COG5: variants seen among roughly 807,000 people sequenced by gnomAD.
The protein encoded by COG5 is conserved oligomeric Golgi complex subunit 5.
Under a neutral mutation model 110.4 loss-of-function variants are expected in COG5, and 86 were observed. The observed-to-expected ratio is 0.78, with a 90% CI of 0.65 to 0.93. The LOEUF is 0.93. Ranked by LOEUF, COG5 falls within the 40% of genes least tolerant of loss-of-function variation. COG5 has a pLI of 0.00. For synonymous variants in COG5, 360 were observed against 334.6 expected (o/e 1.08, Z -0.83); for missense variants, 1,077 against 987.0 (o/e 1.09, Z -1.22).
At chr7:107,334,864 A>C (rs1184532422) in intron 10 of COG5, among the ~76,000 whole-genome samples, 1 of 152,200 alleles carries the variant, frequency 6.6e-6, no homozygotes, top group East Asian at 1.9e-4. Context: ...ACGCAAACAA[A>C]ACCAGAATAC....
chr7:107,376,675 G>A (rs906746195), intron 7 of COG5, among the ~76,000 whole-genome samples: 8 of 151,818 alleles, frequency 5.3e-5, no homozygotes, highest in African/African-American at 1.9e-4. Flanking sequence ...ACTTTGGCTA[G>A]GATCTTCAGT....
intron 7 of COG5, among the ~76,000 whole-genome samples, chr7:107,388,754 T>C (rs753331270): frequency 2.0e-5 from 3 of 152,176 alleles, no homozygotes; most frequent in Non-Finnish European, 4.4e-5. Flanking sequence ...GAAGAGGACA[T>C]GCTTGTGTTC....
chr7:107,273,380 A>T (rs562972961), intron 14 of COG5, among the ~76,000 whole-genome samples: 12 of 152,188 alleles, frequency 7.9e-5, no homozygotes, highest in Non-Finnish European at 1.8e-4. Flanking sequence ...ACCTTGATTA[A>T]ATGTTGACAC....
At chr7:107,519,811 T>C (rs1800197473) in intron 6 of COG5, among the ~76,000 whole-genome samples, 1 of 119,052 alleles carries the variant, frequency 8.4e-6, no homozygotes, top group Non-Finnish European at 2.0e-5. Flanking sequence ...AGCATCACTC[T>C]GATACCAAAA....
At chr7:107,280,137 A>T (rs1288926807) in intron 14 of COG5, among the ~76,000 whole-genome samples, 4 of 152,248 alleles carry the variant, frequency 2.6e-5, no homozygotes, top group African/African-American at 9.6e-5. Context: ...ACATTATAAA[A>T]AAGATTTAAA....
chr7:107,214,696 CG>C (rs1318549566), intron 19 of COG5, among the ~76,000 whole-genome samples: 1 of 151,998 alleles, frequency 6.6e-6, no homozygotes, highest in East Asian at 1.9e-4. Context: ...CTGAGGTGGG[CG>C]GATCACTTTG....
chr7:107,288,910 ATATAT>A (rs1805897006), intron 12 of COG5, among the ~76,000 whole-genome samples: 1 of 2,278 alleles, frequency 4.4e-4, no homozygotes, highest in Non-Finnish European at 1.2e-3. Flanking sequence ...TAACAGAGAT[ATATAT>A]ATATATATAT....
intron 10 of COG5, among the ~76,000 whole-genome samples, chr7:107,337,545 A>G (rs868489924): frequency 2.6e-5 from 4 of 152,140 alleles, no homozygotes; most frequent in Admixed American, 6.5e-5. Context: ...AGAAAGACAA[A>G]AGATTGCACA....
intron 7 of COG5, among the ~76,000 whole-genome samples, chr7:107,380,352 T>TAA (rs920675083): frequency 6.6e-6 from 1 of 150,454 alleles, no homozygotes; most frequent in Non-Finnish European, 1.5e-5. Flanking sequence ...GAAAAACCCT[T>TAA]AAAAAAAAAT....
At chr7:107,328,948 G>A (rs552964690) in intron 10 of COG5, among the ~76,000 whole-genome samples, 1 of 152,192 alleles carries the variant, frequency 6.6e-6, no homozygotes, top group South Asian at 2.1e-4. Flanking sequence ...AGCTTCCTGA[G>A]TACCTGGGAC....
intron 8 of COG5, among the ~76,000 whole-genome samples, chr7:107,367,676 A>C (rs1173921232): frequency 6.6e-6 from 1 of 152,164 alleles, no homozygotes; most frequent in Admixed American, 6.6e-5. Flanking sequence ...TAAGTGAAGT[A>C]ACTGAGGAGC....
rs1236251057 is a variant in COG5 at position 107,202,637 on chromosome 7, AAC to A, written c.*877_*878del. On this transcript the variant is annotated 3_prime_UTR_variant, in exon 22 of 22. Coordinates refer to ENST00000297135, the MANE Select transcript of COG5 (RefSeq NM_006348.5). ...GATGGAAAACATAAGGCAAATTCCT[AAC>A]ACTGCTAATTAGGAGGCTGCTGATA... 3.3e-5 allele frequency: 5 copies of A among 152,436 alleles called. No homozygotes were observed. The East Asian group carries it at 7.7e-4, about 24-fold the overall frequency. 9.4% of individuals were successfully genotyped at this position (152,436 alleles called of 1,614,324 possible). A position where few individuals can be genotyped will look rare whatever the true frequency, so the allele number is the denominator to read the frequency against.
chr7:107,210,834 C>A (rs1336830319), intron 20 of COG5, among the ~76,000 whole-genome samples: 2 of 152,196 alleles, frequency 1.3e-5, no homozygotes, highest in Admixed American at 6.5e-5. Flanking sequence ...GGGCTGCCAT[C>A]AAAAATTCTT....
chr7:107,261,245 G>A (rs1803320651), intron 14 of COG5, among the ~76,000 whole-genome samples: 1 of 151,750 alleles, frequency 6.6e-6, no homozygotes, highest in South Asian at 2.1e-4. Context: ...AACAGTACAA[G>A]GAATACTGTA....
Position 107,474,102 on chromosome 7 carries a change from A to G in COG5, c.538+53135T>C. On this transcript the variant is annotated intron_variant, in intron 6 of 21. Coordinates refer to ENST00000297135, the MANE Select transcript of COG5 (RefSeq NM_006348.5). The surrounding 1 kb of genome is among the most constrained non-coding windows in gnomAD (Gnocchi z 5.7). Reference sequence around the variant, plus strand: ...TTCTGGAAATCAACATGCAGTCTGAATCTAACATTACAGTGCGAGATGACA... The same window carrying G: ...TTCTGGAAATCAACATGCAGTCTGAGTCTAACATTACAGTGCGAGATGACA... The G allele has an allele frequency of 6.2e-7, 1 of 1,601,312 alleles. No individual in the cohort carries two copies. Among genetic ancestry groups the G allele is most frequent in the South Asian group, 1.1e-5 (1 of 89,026 alleles).
At chr7:107,502,149 T>C (rs2129136895) in intron 6 of COG5, among the ~76,000 whole-genome samples, 1 of 152,216 alleles carries the variant, frequency 6.6e-6, no homozygotes, top group Non-Finnish European at 1.5e-5. Context: ...ATATGCAGTT[T>C]TTTATCCCAC....
intron 7 of COG5, among the ~76,000 whole-genome samples, chr7:107,401,818 G>C (rs1222794031): frequency 6.6e-6 from 1 of 152,126 alleles, no homozygotes; most frequent in Non-Finnish European, 1.5e-5. Flanking sequence ...GTGTTTGTTG[G>C]GTCATAAGGG....
chr7:107,550,031 G>A (rs537283306), intron 3 of COG5, among the ~76,000 whole-genome samples: 3 of 151,534 alleles, frequency 2.0e-5, no homozygotes, highest in Non-Finnish European at 4.4e-5. Context: ...CCCCTGTACT[G>A]TTACATCAAA....
At chr7:107,225,892 A>ATT (rs1455006754) in intron 19 of COG5, among the ~76,000 whole-genome samples, 1 of 151,938 alleles carries the variant, frequency 6.6e-6, no homozygotes, top group African/African-American at 2.4e-5. Flanking sequence ...AAAATACAAA[A>ATT]ATTTGCCGGG....
Sources: allele counts gnomAD v4.1 joint callset (sites outside exome capture counted in the v4.1 genomes callset), GRCh38; gene constraint gnomAD v4.1.1; non-coding constraint Gnocchi (gnomAD v3.1); transcripts MANE v1.5; gene names NCBI Gene and HGNC (gene_info 2026-07-23, HGNC 2026-07-21).